The following PPP4R2 variants were observed in gnomAD, a reference collection of about 807,000 sequenced individuals.
PPP4R2 encodes the protein serine/threonine-protein phosphatase 4 regulatory subunit 2.
In PPP4R2, 13 loss-of-function variants were observed where a neutral mutation model predicts 47.2. The ratio of observed to expected loss-of-function variants is 0.28; its 90% CI spans 0.18 to 0.44. The LOEUF (loss-of-function observed/expected upper bound fraction) is 0.44, where lower values mean the gene tolerates loss of function less well. PPP4R2 is among the 20% of genes least tolerant of loss of function. The probability of loss-of-function intolerance (pLI) is 1.00; values close to 1 mark genes in which losing one functional copy is unlikely to be tolerated. For synonymous variants in PPP4R2, 151 were observed against 163.3 expected (o/e 0.92, Z 0.57); for missense variants, 421 against 491.2 (o/e 0.86, Z 1.35).
At position 73,065,648 on chromosome 3, in the gene PPP4R2, A is replaced by AT; in HGVS notation, c.1182dup (p.Leu395SerfsTer9). ...ATCCAATTCCAGTAAAACTGGAGAGATTCTTTCAGAATCATCCATGGAAAA... is the reference window on the plus strand; with the variant it reads ...ATCCAATTCCAGTAAAACTGGAGAGATTTCTTTCAGAATCATCCATGGAAAA... On this transcript the variant is annotated frameshift_variant, in exon 9 of 9. Coordinates refer to ENST00000356692, the MANE Select transcript of PPP4R2 (RefSeq NM_174907.4). LOFTEE classifies it high-confidence loss of function. 3.1e-6 allele frequency: 5 copies of AT among 1,612,140 alleles called. No individual in the cohort carries two copies. Among genetic ancestry groups the AT allele is most frequent in the Non-Finnish European group, 4.2e-6 (5 of 1,178,314 alleles).
At chr3:73,007,943 C>CT (rs530034579) in intron 2 of PPP4R2, among the ~76,000 whole-genome samples, 2 of 151,734 alleles carry the variant, frequency 1.3e-5, no homozygotes, top group Non-Finnish European at 2.9e-5. Context: ...TTCTTTAATG[C>CT]TTTTTTTCAG....
chr3:73,062,503 T>G (rs1702885927), intron 5 of PPP4R2: 2 of 1,613,750 alleles, frequency 1.2e-6, no homozygotes, highest in Admixed American at 3.3e-5. Context: ...CAGGCATTAC[T>G]GAGTGTTGGT....
At chr3:73,028,587 C>T (rs371772701) in intron 2 of PPP4R2, among the ~76,000 whole-genome samples, 37 of 151,880 alleles carry the variant, frequency 2.4e-4, no homozygotes, top group African/African-American at 6.8e-4. Flanking sequence ...ACTACAGATG[C>T]GCGCCACCAT....
intron 3 of PPP4R2, among the ~76,000 whole-genome samples, chr3:73,054,236 AATG>A (rs1363140174): frequency 6.6e-6 from 1 of 152,184 alleles, no homozygotes; most frequent in Non-Finnish European, 1.5e-5. Context: ...CTCTTTTAAT[AATG>A]ATAAGGAACC....
chr3:73,010,423 G>A (rs959393280), intron 2 of PPP4R2, among the ~76,000 whole-genome samples: 3 of 152,162 alleles, frequency 2.0e-5, no homozygotes, highest in Non-Finnish European at 2.9e-5. Flanking sequence ...AGGCTCTGTA[G>A]AGTGAAGAGC....
intron 2 of PPP4R2, among the ~76,000 whole-genome samples, chr3:73,013,284 A>G (rs1701760056): frequency 1.3e-5 from 2 of 152,218 alleles, no homozygotes; most frequent in Non-Finnish European, 1.5e-5. Context: ...GATTTAAAAT[A>G]TGGAGAATAT....
rs1702398014 is a variant in PPP4R2, at chr3:73,042,381, T to C, written c.117-4805T>C. 2.9e-5 allele frequency among the ~76,000 whole-genome samples: 4 copies of C among 139,008 alleles called. No homozygotes were observed. In the South Asian group the frequency reaches 8.9e-4, roughly 31 times the overall value. 91.2% of individuals were successfully genotyped at this position (139,008 alleles called of 152,430 possible). Reference sequence around the variant, plus strand: ...AATTTCTTTTTTTTTTTTTTTTTTTTTGAGATGGAGTCTCGCTGTGTCACC... The same window carrying C: ...AATTTCTTTTTTTTTTTTTTTTTTTCTGAGATGGAGTCTCGCTGTGTCACC... On this transcript the variant is annotated intron_variant, in intron 2 of 8. Transcript: ENST00000356692.
chr3:73,004,596 C>T (rs1384511510), intron 2 of PPP4R2, among the ~76,000 whole-genome samples: 1 of 152,090 alleles, frequency 6.6e-6, no homozygotes, highest in Non-Finnish European at 1.5e-5. Context: ...TGCCACCACA[C>T]CTGGCTAATT....
At chr3:73,038,376 GTTT>G (rs1445900651) in intron 2 of PPP4R2, among the ~76,000 whole-genome samples, 1 of 151,524 alleles carries the variant, frequency 6.6e-6, no homozygotes, top group Non-Finnish European at 1.5e-5. Context: ...TTTTCTTTTT[GTTT>G]TTTCTTTTTT....
chr3:73,038,642 G>A (rs1170279335), intron 2 of PPP4R2, among the ~76,000 whole-genome samples: 1 of 152,044 alleles, frequency 6.6e-6, no homozygotes, highest in Non-Finnish European at 1.5e-5. Context: ...GATCCGCCCA[G>A]CCAGGGACAT....
chr3:73,015,788 C>A, intron 2 of PPP4R2: 1 of 445,296 alleles, frequency 2.2e-6, no homozygotes, highest in South Asian at 1.6e-5. Context: ...CAGGCTCCCG[C>A]CACCATGCCC....
chr3:73,013,639 T>C (rs1327655642), intron 2 of PPP4R2, among the ~76,000 whole-genome samples: 2 of 126,532 alleles, frequency 1.6e-5, no homozygotes, highest in Non-Finnish European at 3.3e-5. Flanking sequence ...ATACCTTTTT[T>C]CTTTTTCTTT....
chr3:73,052,446 T>G (rs1702635912), intron 3 of PPP4R2, among the ~76,000 whole-genome samples: 1 of 151,976 alleles, frequency 6.6e-6, no homozygotes, highest in South Asian at 2.1e-4. Context: ...GGAATTATAA[T>G]AAAAAAGAGT....
rs538165867 is a variant in PPP4R2 at position 73,067,119 on chromosome 3, T to G, written c.*1397T>G. 5.3e-5 allele frequency: 8 copies of G among 152,266 alleles called. No individual in the cohort carries two copies. Among genetic ancestry groups the G allele is most frequent in the African/African-American group, 1.9e-4 (8 of 41,588 alleles). 9.4% of individuals were successfully genotyped at this position (152,266 alleles called of 1,614,324 possible). On this transcript the variant is annotated 3_prime_UTR_variant, in exon 9 of 9. Transcript: ENST00000356692. ...TGTGAAGCGGTATATAATTGTATAATTTCTGTGTGTAAACTGAATGCTTGG... is the reference window on the plus strand; with the variant it reads ...TGTGAAGCGGTATATAATTGTATAAGTTCTGTGTGTAAACTGAATGCTTGG...
At position 73,062,250 on chromosome 3, in the gene PPP4R2, C is replaced by G. The variant is rs202063792; in HGVS notation, c.419+1190C>G. On this transcript the variant is annotated intron_variant, in intron 5 of 8. Coordinates refer to ENST00000356692, the MANE Select transcript of PPP4R2 (RefSeq NM_174907.4). ...GTCTCATCTAAGAAAGGACTCACAGCCCAGCAGCCCAGGAGATGACGCAAT... is the reference window on the plus strand; with the variant it reads ...GTCTCATCTAAGAAAGGACTCACAGGCCAGCAGCCCAGGAGATGACGCAAT... 1,935 of 1,599,130 alleles carry G rather than the reference C, an allele frequency of 1.2e-3. 1 individual carries two copies. The highest frequency in any genetic ancestry group is 1.5e-3 in the Non-Finnish European group (1,717 of 1,175,960).
chr3:73,008,005 C>T (rs1193616652), intron 2 of PPP4R2, among the ~76,000 whole-genome samples: 2 of 151,740 alleles, frequency 1.3e-5, no homozygotes, highest in Non-Finnish European at 2.9e-5. Context: ...AAGACTATTA[C>T]AGATAAAGGT....
At chr3:73,037,596 C>T (rs180743813) in intron 2 of PPP4R2, among the ~76,000 whole-genome samples, 11 of 152,184 alleles carry the variant, frequency 7.2e-5, no homozygotes, top group Admixed American at 6.5e-4. Flanking sequence ...CAGCACATCA[C>T]AAGCTAAAAC....
intron 2 of PPP4R2, among the ~76,000 whole-genome samples, chr3:73,045,678 C>G (rs1467827378): frequency 1.3e-5 from 2 of 151,952 alleles, no homozygotes; most frequent in Admixed American, 6.6e-5. Flanking sequence ...AGGCATGCAC[C>G]ACCCCGCCTG....
chr3:73,023,189 TG>T (rs201489790), intron 2 of PPP4R2, among the ~76,000 whole-genome samples: 1 of 144,986 alleles, frequency 6.9e-6, no homozygotes, highest in South Asian at 2.2e-4. Flanking sequence ...TCCTTTTTTT[TG>T]TTTTTTTTTT....
Sources: allele counts gnomAD v4.1 joint callset (sites outside exome capture counted in the v4.1 genomes callset), GRCh38; gene constraint gnomAD v4.1.1; transcripts MANE v1.5; gene names NCBI Gene and HGNC (gene_info 2026-07-23, HGNC 2026-07-21).